Variants in KIAA1328 observed in about 807,000 individuals in gnomAD.
The protein encoded by KIAA1328 is KIAA1328, also known as protein hinderin.
A neutral mutation model predicts 68.1 loss-of-function variants in KIAA1328; 52 were observed. The ratio of observed to expected loss-of-function variants is 0.76; its 90% CI spans 0.61 to 0.96. KIAA1328 has a LOEUF of 0.96. KIAA1328 is among the 40% of genes least tolerant of loss of function. The pLI is 0.00. For synonymous variants in KIAA1328, 232 were observed against 239.4 expected, an observed-to-expected ratio of 0.97 and a Z score of 0.28; for missense variants, 641 against 677.6, an observed-to-expected ratio of 0.95 and a Z score of 0.60.
intron 6 of KIAA1328, among the ~76,000 whole-genome samples, chr18:37,007,076 C>A (rs1001506030): frequency 6.6e-6 from 1 of 152,182 alleles, no homozygotes; most frequent in African/African-American, 2.4e-5. Context: ...CACCAGCTGT[C>A]TTCCTCCACT....
intron 5 of KIAA1328, among the ~76,000 whole-genome samples, chr18:36,956,366 G>A (rs1168658692): frequency 6.6e-6 from 1 of 152,134 alleles, no homozygotes; most frequent in Non-Finnish European, 1.5e-5. Flanking sequence ...CTTAAGTTTG[G>A]TTTTCAACAT....
At chr18:37,169,755 G>A (rs1173358655) in intron 8 of KIAA1328, among the ~76,000 whole-genome samples, 3 of 152,044 alleles carry the variant, frequency 2.0e-5, no homozygotes, top group African/African-American at 7.2e-5. Context: ...TCCTTTTCAG[G>A]GTCCCATACC....
At chr18:37,131,161 G>A (rs2058513055) in intron 7 of KIAA1328, among the ~76,000 whole-genome samples, 1 of 152,154 alleles carries the variant, frequency 6.6e-6, no homozygotes, top group South Asian at 2.1e-4. Flanking sequence ...AGTTATACTT[G>A]TGTGATTTAA....
intron 6 of KIAA1328, among the ~76,000 whole-genome samples, chr18:37,018,007 G>A (rs2054212079): frequency 6.6e-6 from 1 of 152,062 alleles, no homozygotes; most frequent in Non-Finnish European, 1.5e-5. Context: ...TCTTGAAGTT[G>A]TTCAGCTGGT....
chr18:37,185,865 T>G (rs967755239), intron 9 of KIAA1328, among the ~76,000 whole-genome samples: 4 of 152,078 alleles, frequency 2.6e-5, no homozygotes, highest in Admixed American at 6.6e-5. Context: ...TTATTTCTTG[T>G]GCGGAAATTC....
intron 6 of KIAA1328, among the ~76,000 whole-genome samples, chr18:37,037,637 A>G (rs1400034211): frequency 6.6e-6 from 1 of 152,104 alleles, no homozygotes; most frequent in Non-Finnish European, 1.5e-5. Flanking sequence ...TAATCCCAGC[A>G]CTTTGGGAGG....
chr18:37,165,468 G>A (rs1002506196), intron 8 of KIAA1328, among the ~76,000 whole-genome samples: 1 of 151,642 alleles, frequency 6.6e-6, no homozygotes, highest in Non-Finnish European at 1.5e-5. Context: ...TGCCCAGACT[G>A]GAGTGCAATG....
intron 6 of KIAA1328, among the ~76,000 whole-genome samples, chr18:37,032,893 G>A (rs990096744): frequency 5.3e-5 from 8 of 151,952 alleles, no homozygotes; most frequent in Admixed American, 2.6e-4. Flanking sequence ...CACCCACCTC[G>A]GCCTCCCAAA....
At chr18:37,103,159 A>G (rs1009121803) in intron 7 of KIAA1328, among the ~76,000 whole-genome samples, 2 of 152,236 alleles carry the variant, frequency 1.3e-5, no homozygotes, top group African/African-American at 4.8e-5. Context: ...CATATATAAA[A>G]TATAAATCTT....
chr18:37,128,589 G>A (rs1158692912), intron 7 of KIAA1328, among the ~76,000 whole-genome samples: 2 of 152,164 alleles, frequency 1.3e-5, no homozygotes. Flanking sequence ...TTTTAAAATA[G>A]TTTGGGAAGT....
chr18:37,166,123 TG>T (rs928861093), intron 8 of KIAA1328, among the ~76,000 whole-genome samples: 2 of 150,796 alleles, frequency 1.3e-5, no homozygotes, highest in Non-Finnish European at 2.9e-5. Flanking sequence ...GAAACATCAG[TG>T]GAAATGGTGT....
At chr18:36,944,345 A>C (rs2050816938) in intron 5 of KIAA1328, among the ~76,000 whole-genome samples, 1 of 152,050 alleles carries the variant, frequency 6.6e-6, no homozygotes, top group Non-Finnish European at 1.5e-5. Flanking sequence ...TTAGGAGGAC[A>C]AGGCGGGCGG....
intron 6 of KIAA1328, among the ~76,000 whole-genome samples, chr18:36,971,307 T>TA (rs1221382970): frequency 6.6e-6 from 1 of 152,180 alleles, no homozygotes; most frequent in African/African-American, 2.4e-5. Context: ...CAAGATGAAT[T>TA]AAAGACTTAA....
intron 7 of KIAA1328, among the ~76,000 whole-genome samples, chr18:37,139,212 C>T (rs2058714449): frequency 6.6e-6 from 1 of 152,036 alleles, no homozygotes; most frequent in Admixed American, 6.5e-5. Flanking sequence ...ATCTGCCCGC[C>T]TCGGCCTCCC....
At chr18:37,167,658 G>A (rs1036542259) in intron 8 of KIAA1328, among the ~76,000 whole-genome samples, 1 of 152,060 alleles carries the variant, frequency 6.6e-6, no homozygotes, top group African/African-American at 2.4e-5. Context: ...TTCTGCCGGT[G>A]TGTTCCTCTT....
At chr18:37,041,314 T>C (rs9956174) in intron 6 of KIAA1328, among the ~76,000 whole-genome samples, 7 of 152,144 alleles carry the variant, frequency 4.6e-5, no homozygotes, top group African/African-American at 1.7e-4. Flanking sequence ...TCTTCATATA[T>C]AGTAATGTTT....
chr18:36,998,140 G>C (rs960844726), intron 6 of KIAA1328, among the ~76,000 whole-genome samples: 13 of 152,038 alleles, frequency 8.6e-5, no homozygotes, highest in African/African-American at 3.1e-4. Flanking sequence ...TCAACTTTGC[G>C]TCCCCCTCCA....
intron 6 of KIAA1328, among the ~76,000 whole-genome samples, chr18:36,997,735 TAGCCAGGGCTGTAAAATG>T: frequency 6.6e-6 from 1 of 152,300 alleles, no homozygotes; most frequent in Non-Finnish European, 1.5e-5. Flanking sequence ...AGGGCTCCTG[TAGCCAGGGCTGTAAAATG>T]AGCAATCTGG....
At chr18:36,994,435 C>T (rs866938751) in intron 6 of KIAA1328, among the ~76,000 whole-genome samples, 4 of 152,196 alleles carry the variant, frequency 2.6e-5, no homozygotes, top group South Asian at 4.2e-4. Context: ...TCTCAGTGGA[C>T]GGGACTCCAA....
Sources: allele counts gnomAD v4.1 joint callset (sites outside exome capture counted in the v4.1 genomes callset), GRCh38; gene constraint gnomAD v4.1.1; transcripts MANE v1.5; gene names NCBI Gene and HGNC (gene_info 2026-07-23, HGNC 2026-07-21).